The following CEP170 variants were observed in gnomAD, a reference collection of about 807,000 sequenced individuals.
The protein encoded by CEP170 is centrosomal protein of 170 kDa.
A neutral mutation model predicts 151.9 loss-of-function variants in CEP170; 21 were observed. The ratio of observed to expected loss-of-function variants is 0.14; its 90% CI spans 0.10 to 0.20. CEP170 has a LOEUF of 0.20. Among genes scored for constraint, CEP170 ranks in the 10% least tolerant of loss-of-function variants. CEP170 has a pLI of 1.00. For missense variants in CEP170, 964 were observed against 1,892.9 expected (o/e 0.51, Z 9.11); for synonymous variants, 356 against 648.8 (o/e 0.55, Z 6.86).
chr1:243,203,788 C>A (rs536767787), intron 4 of CEP170, among the ~76,000 whole-genome samples: 27 of 152,068 alleles, frequency 1.8e-4, no homozygotes, highest in African/African-American at 6.5e-4. Flanking sequence ...CATTTAACAA[C>A]AATTGATAAT....
intron 4 of CEP170, among the ~76,000 whole-genome samples, chr1:243,204,284 C>G (rs1261535661): frequency 6.6e-6 from 1 of 152,150 alleles, no homozygotes; most frequent in Non-Finnish European, 1.5e-5. Context: ...GTTATCTTGA[C>G]AGCCTACCAA....
chr1:243,174,973 C>T (rs1001844461), intron 10 of CEP170: 63 of 152,160 alleles, frequency 4.1e-4, no homozygotes, highest in Non-Finnish European at 8.2e-4. Flanking sequence ...TAATTACTAA[C>T]AAAAATCTAA....
At chr1:243,174,531 T>G (rs2059092851) in intron 10 of CEP170, among the ~76,000 whole-genome samples, 1 of 152,242 alleles carries the variant, frequency 6.6e-6, no homozygotes, top group African/African-American at 2.4e-5. Context: ...GGTATCAGAC[T>G]TTCTCATTCA....
intron 10 of CEP170, among the ~76,000 whole-genome samples, chr1:243,183,891 T>G (rs1013701528): frequency 6.6e-6 from 1 of 152,168 alleles, no homozygotes; most frequent in Non-Finnish European, 1.5e-5. Context: ...AGGCAACAGG[T>G]GTAAAACAGG....
intron 2 of CEP170, among the ~76,000 whole-genome samples, chr1:243,224,469 CA>C (rs1293778533): frequency 2.0e-5 from 3 of 150,452 alleles, no homozygotes; most frequent in South Asian, 2.1e-4. Context: ...AAAAAAATTG[CA>C]AAAAAAACAC....
chr1:243,187,854 G>C (rs2060034473), intron 8 of CEP170, among the ~76,000 whole-genome samples: 1 of 152,166 alleles, frequency 6.6e-6, no homozygotes, highest in Non-Finnish European at 1.5e-5. Flanking sequence ...TCTTGGAAAA[G>C]TAATAGGCAA....
At chr1:243,212,077 A>G in intron 3 of CEP170, 113 bp from the exon 4 acceptor site, 2 of 1,149,544 alleles carry the variant, frequency 1.7e-6, no homozygotes, top group South Asian at 4.4e-5. Context: ...ACGGTGGCTA[A>G]TACAGCCTGA....
At chr1:243,242,469 C>T (rs550143042) in intron 1 of CEP170, among the ~76,000 whole-genome samples, 47 of 152,234 alleles carry the variant, frequency 3.1e-4, no homozygotes, top group East Asian at 2.1e-3. Context: ...CTACCTGCCT[C>T]GGCCTCCCAA....
intron 1 of CEP170, among the ~76,000 whole-genome samples, chr1:243,239,143 C>A (rs753333537): frequency 6.6e-6 from 1 of 152,166 alleles, no homozygotes; most frequent in Non-Finnish European, 1.5e-5. Flanking sequence ...ATTTCCAGTT[C>A]AAGGTCCTCC....
rs2053731136 is a variant in CEP170, at chr1:243,126,660, G to A, written c.4544C>T (p.Ser1515Phe). The A allele has an allele frequency of 3.2e-6, 5 of 1,558,618 alleles. No individual in the cohort carries two copies. The highest frequency in any genetic ancestry group is 3.5e-6 in the Non-Finnish European group (4 of 1,149,310). The change falls in exon 20 of 20, where the codon TCT (serine) becomes TTT (phenylalanine). Residue 1515 changes from serine (S) to phenylalanine (F), a missense_variant. Ser to Phe is a radical substitution (Grantham distance 155). Coordinates refer to ENST00000366542, the MANE Select transcript of CEP170 (RefSeq NM_014812.3). ...NMGFPSAMLP[S>F]PPKQKSSPVN... Reference sequence around the variant, plus strand: ...AGGGCTGGACTTCTGTTTCGGTGGAGATGGCAACATAGCACTGGGAAATCC... The same window carrying A: ...AGGGCTGGACTTCTGTTTCGGTGGAAATGGCAACATAGCACTGGGAAATCC...
intron 1 of CEP170, among the ~76,000 whole-genome samples, chr1:243,237,067 C>G (rs1180747851): frequency 2.0e-5 from 3 of 152,142 alleles, no homozygotes; most frequent in East Asian, 3.8e-4. Flanking sequence ...ATTGAAACTT[C>G]AAAGTGTAGA....
At chr1:243,127,255 G>A (rs2053810754) in intron 19 of CEP170, among the ~76,000 whole-genome samples, 1 of 152,190 alleles carries the variant, frequency 6.6e-6, no homozygotes, top group African/African-American at 2.4e-5. Context: ...ACACCACTGA[G>A]ATACAGGGGT....
chr1:243,232,657 ACT>A (rs1169944665), intron 1 of CEP170, among the ~76,000 whole-genome samples: 1 of 152,136 alleles, frequency 6.6e-6, no homozygotes, highest in African/African-American at 2.4e-5. Context: ...GAATCCAGAC[ACT>A]CTGAGGATCA....
At position 243,151,137 on chromosome 1, in the gene CEP170, C is replaced by T. The variant is rs544568465; in HGVS notation, c.3911+5084G>A. Among the ~76,000 whole-genome samples, 3 of 152,354 alleles carry T rather than the reference C, an allele frequency of 2.0e-5. No individual in the cohort carries two copies. The South Asian group carries it at 6.2e-4, about 32-fold the overall frequency. ...ACTACAACGATGAGTCTAGCCCTCA[C>T]GGCTTCCTGTTTCACAGCCGCAGTT... On this transcript the variant is annotated intron_variant, in intron 14 of 19. Coordinates refer to ENST00000366542, the MANE Select transcript of CEP170 (RefSeq NM_014812.3).
At chr1:243,166,223 C>T in intron 12 of CEP170, 107 bp from the exon 13 acceptor site, 2 of 1,414,002 alleles carry the variant, frequency 1.4e-6, no homozygotes, top group Non-Finnish European at 1.9e-6. Flanking sequence ...TGGTTCCAGG[C>T]CCCTTATTCC....
intron 10 of CEP170, 144 bp from the exon 11 acceptor site, chr1:243,172,990 T>G: frequency 2.0e-6 from 2 of 1,001,378 alleles, no homozygotes; most frequent in Non-Finnish European, 2.7e-6. Flanking sequence ...GAAAACTTCT[T>G]GAATGACAGT....
At chr1:243,241,937 T>G (rs2064888719) in intron 1 of CEP170, among the ~76,000 whole-genome samples, 2 of 151,682 alleles carry the variant, frequency 1.3e-5, no homozygotes, top group African/African-American at 2.4e-5. Flanking sequence ...AGAAAACATA[T>G]TAGAGCACAG....
intron 14 of CEP170, among the ~76,000 whole-genome samples, chr1:243,155,086 T>C (rs1173719976): frequency 2.6e-5 from 4 of 152,180 alleles, no homozygotes; most frequent in African/African-American, 7.2e-5. Context: ...AAAGTACATA[T>C]ATGCCTTTCC....
intron 4 of CEP170, among the ~76,000 whole-genome samples, chr1:243,208,280 A>C (rs1173383078): frequency 4.0e-5 from 6 of 151,738 alleles, no homozygotes; most frequent in Non-Finnish European, 8.8e-5. Context: ...CTCTTTTCAT[A>C]CCCCTGCCCA....
Sources: allele counts gnomAD v4.1 joint callset (sites outside exome capture counted in the v4.1 genomes callset), GRCh38; gene constraint gnomAD v4.1.1; transcripts MANE v1.5; gene names NCBI Gene and HGNC (gene_info 2026-07-23, HGNC 2026-07-21).